Variants in FBXO4 observed in about 807,000 individuals in gnomAD.
The protein encoded by FBXO4 is F-box protein 4, also known as F-box only protein 4.
Under a neutral mutation model 43.7 loss-of-function variants are expected in FBXO4, and 36 were observed. That is an observed-to-expected ratio of 0.82 (90% CI 0.63 to 1.09). The LOEUF (loss-of-function observed/expected upper bound fraction) is 1.09. Ranked by LOEUF, FBXO4 falls within the 50% of genes least tolerant of loss-of-function variation. The probability of loss-of-function intolerance (pLI) is 0.00; values close to 1 mark genes in which losing one functional copy is unlikely to be tolerated. For missense variants in FBXO4, 435 were observed against 474.1 expected (o/e 0.92, Z 0.77); for synonymous variants, 180 against 165.6 (o/e 1.09, Z -0.67).
the FBXO4 span, among the ~76,000 whole-genome samples, chr5:41,997,443 G>C: frequency 6.6e-6 from 1 of 152,182 alleles, no homozygotes; most frequent in South Asian, 2.1e-4. Context: ...AGAGGCAGCT[G>C]TAATAGCTTC....
chr5:41,952,534 A>G, the FBXO4 span, among the ~76,000 whole-genome samples: 1 of 152,216 alleles, frequency 6.6e-6, no homozygotes. Context: ...CATATGGGTA[A>G]CCATCAACAC....
At chr5:42,036,644 G>T in the FBXO4 span, among the ~76,000 whole-genome samples, 4 of 152,094 alleles carry the variant, frequency 2.6e-5, no homozygotes, top group Non-Finnish European at 5.9e-5. Context: ...TACACAAAGG[G>T]CCTGAGGGGG....
chr5:41,927,673 T>G (rs565712562), intron 2 of FBXO4, among the ~76,000 whole-genome samples: 1 of 152,236 alleles, frequency 6.6e-6, no homozygotes, highest in Non-Finnish European at 1.5e-5. Context: ...AGCACTGACA[T>G]TTTTTAATAT....
the FBXO4 span, among the ~76,000 whole-genome samples, chr5:42,026,276 A>G: frequency 6.6e-6 from 1 of 151,694 alleles, no homozygotes; most frequent in African/African-American, 2.4e-5. Context: ...TTCCTAGGTG[A>G]TTAACTTCAC....
chr5:42,000,982 G>A, the FBXO4 span, among the ~76,000 whole-genome samples: 2 of 152,110 alleles, frequency 1.3e-5, no homozygotes, highest in African/African-American at 2.4e-5. Context: ...CCATAGGTTT[G>A]CAACACATTT....
At chr5:42,011,641 A>G in the FBXO4 span, among the ~76,000 whole-genome samples, 1 of 152,212 alleles carries the variant, frequency 6.6e-6, no homozygotes, top group Non-Finnish European at 1.5e-5. Flanking sequence ...ATTGTTTCTC[A>G]TTATTATAAG....
the FBXO4 span, among the ~76,000 whole-genome samples, chr5:42,006,836 G>T: frequency 7.2e-6 from 1 of 139,558 alleles, no homozygotes; most frequent in Admixed American, 7.5e-5. Flanking sequence ...AAGGCTTTAA[G>T]ATAAAACATT....
the FBXO4 span, among the ~76,000 whole-genome samples, chr5:42,034,597 C>G: frequency 6.6e-6 from 1 of 152,168 alleles, no homozygotes; most frequent in East Asian, 1.9e-4. Context: ...GATTGTTTTC[C>G]CAGCACCATT....
chr5:41,939,319 C>G, intron 5 of FBXO4, 122 bp from the exon 6 acceptor site: 1 of 802,280 alleles, frequency 1.2e-6, no homozygotes, highest in Non-Finnish European at 1.9e-6. Flanking sequence ...TGATTTTTTT[C>G]CCTCAGTTTA....
chr5:41,975,722 A>G, the FBXO4 span, among the ~76,000 whole-genome samples: 1 of 152,244 alleles, frequency 6.6e-6, no homozygotes, highest in Non-Finnish European at 1.5e-5. Context: ...ATTGTTAAGT[A>G]TATAGTTTAG....
the FBXO4 span, among the ~76,000 whole-genome samples, chr5:41,964,132 T>C: frequency 6.6e-6 from 1 of 152,244 alleles, no homozygotes; most frequent in East Asian, 1.9e-4. Flanking sequence ...TCTAGAAAGA[T>C]GTAATTTTCA....
At chr5:41,957,783 C>T in the FBXO4 span, among the ~76,000 whole-genome samples, 1 of 151,870 alleles carries the variant, frequency 6.6e-6, no homozygotes, top group African/African-American at 2.4e-5. Context: ...CTTCTTTCTT[C>T]CATACCTCAT....
At chr5:41,991,288 A>C in the FBXO4 span, among the ~76,000 whole-genome samples, 2 of 152,152 alleles carry the variant, frequency 1.3e-5, no homozygotes, top group Non-Finnish European at 2.9e-5. Flanking sequence ...ATTCCTACCA[A>C]AGTGGCAGTT....
chr5:41,972,541 G>T, the FBXO4 span, among the ~76,000 whole-genome samples: 1 of 152,034 alleles, frequency 6.6e-6, no homozygotes, highest in African/African-American at 2.4e-5. Context: ...AACCACCAAT[G>T]ACATTTTTCA....
chr5:41,997,404 A>G, the FBXO4 span, among the ~76,000 whole-genome samples: 14 of 152,114 alleles, frequency 9.2e-5, no homozygotes, highest in African/African-American at 3.4e-4. Context: ...GGGATGGGAT[A>G]TTGTTTCTGA....
At chr5:41,986,514 C>T in the FBXO4 span, among the ~76,000 whole-genome samples, 1 of 152,094 alleles carries the variant, frequency 6.6e-6, no homozygotes, top group Non-Finnish European at 1.5e-5. Flanking sequence ...CATTCTGAAA[C>T]ATAATTGAAT....
the FBXO4 span, among the ~76,000 whole-genome samples, chr5:41,947,244 C>A: frequency 2.6e-5 from 4 of 152,288 alleles, no homozygotes; most frequent in African/African-American, 9.6e-5. Flanking sequence ...GATGTATGTT[C>A]TTAACTACCT....
chr5:41,967,489 A>G, the FBXO4 span: 2 of 669,474 alleles, frequency 3.0e-6, no homozygotes, highest in Admixed American at 1.9e-5. Context: ...CTTTGGGGGT[A>G]TATCAATGAG....
the FBXO4 span, among the ~76,000 whole-genome samples, chr5:41,958,163 C>T: frequency 1.5e-5 from 2 of 131,840 alleles, no homozygotes; most frequent in African/African-American, 5.8e-5. Context: ...GAGACGGAGT[C>T]TCGCTCTGTC....
Sources: allele counts gnomAD v4.1 joint callset (sites outside exome capture counted in the v4.1 genomes callset), GRCh38; gene constraint gnomAD v4.1.1; transcripts MANE v1.5; gene names NCBI Gene and HGNC (gene_info 2026-07-23, HGNC 2026-07-21).